The following PAK5 variants were observed in gnomAD, a reference collection of about 807,000 sequenced individuals.
The protein encoded by PAK5 is p21 (RAC1) activated kinase 5.
Under a neutral mutation model 65.9 loss-of-function variants are expected in PAK5, and 16 were observed. That is an observed-to-expected ratio of 0.24 (90% CI 0.16 to 0.37). The LOEUF (loss-of-function observed/expected upper bound fraction) is 0.37, where lower values mean the gene tolerates loss of function less well. Ranked by LOEUF, PAK5 falls within the 10% of genes least tolerant of loss-of-function variation. PAK5 has a pLI of 1.00. For synonymous variants in PAK5, 371 were observed against 354.9 expected, an observed-to-expected ratio of 1.05 and a Z score of -0.51; for missense variants, 785 against 903.9, an observed-to-expected ratio of 0.87 and a Z score of 1.69.
In PAK5 at chr20:9,822,977, G is replaced by A. The variant is rs148858530; in HGVS notation, c.-162+15785C>T. ...TTGGCAGCCTTTCTGCTATGATTTAGATGTACATGTCCCTCTGAAATTCAC... is the reference window on the plus strand; with the variant it reads ...TTGGCAGCCTTTCTGCTATGATTTAAATGTACATGTCCCTCTGAAATTCAC... On this transcript the variant is annotated intron_variant, in intron 1 of 9. Coordinates refer to ENST00000353224, the MANE Select transcript of PAK5 (RefSeq NM_177990.4). Among the ~76,000 whole-genome samples the A allele has an allele frequency of 5.6e-3, 850 of 152,290 alleles. 3 individuals are homozygous for A. The highest frequency in any genetic ancestry group is 0.01 in the Middle Eastern group (3 of 294).
At chr20:9,601,001 G>A (rs955037025) in intron 3 of PAK5, among the ~76,000 whole-genome samples, 5 of 152,182 alleles carry the variant, frequency 3.3e-5, no homozygotes, top group Non-Finnish European at 4.4e-5. Flanking sequence ...ACCCCAAACA[G>A]GCAGGTAAGT....
At chr20:9,764,359 C>T (rs958606141) in intron 1 of PAK5, among the ~76,000 whole-genome samples, 1 of 152,108 alleles carries the variant, frequency 6.6e-6, no homozygotes. Context: ...TCGTATGGGG[C>T]ACATGGTTTT....
intron 1 of PAK5, among the ~76,000 whole-genome samples, chr20:9,793,849 A>C (rs2049076293): frequency 6.6e-6 from 1 of 152,176 alleles, no homozygotes; most frequent in Admixed American, 6.6e-5. Flanking sequence ...AGGATTATAA[A>C]TCATTTTACT....
chr20:9,709,253 C>T (rs911388140), intron 2 of PAK5, among the ~76,000 whole-genome samples: 1 of 152,128 alleles, frequency 6.6e-6, no homozygotes, highest in African/African-American at 2.4e-5. Flanking sequence ...ACTCATTTCT[C>T]TAAGTATATG....
At chr20:9,827,416 T>C (rs1018198278) in intron 1 of PAK5, among the ~76,000 whole-genome samples, 14 of 152,322 alleles carry the variant, frequency 9.2e-5, no homozygotes, top group Admixed American at 2.6e-4. Context: ...GCCTGGGTAA[T>C]ATCCATTCAT....
intron 2 of PAK5, among the ~76,000 whole-genome samples, chr20:9,706,777 G>A (rs1195028475): frequency 6.6e-6 from 1 of 151,746 alleles, no homozygotes; most frequent in Admixed American, 6.6e-5. Context: ...TAAAGTGCTG[G>A]GATTACAGGT....
chr20:9,679,000 G>A (rs2047613785), intron 2 of PAK5, among the ~76,000 whole-genome samples: 1 of 152,122 alleles, frequency 6.6e-6, no homozygotes, highest in Admixed American at 6.5e-5. Context: ...TGAACTGCAT[G>A]TGTTCACCTA....
In PAK5 at chr20:9,838,000, C is replaced by G. The variant is rs887252934; in HGVS notation, c.-162+762G>C. 2.6e-5 allele frequency among the ~76,000 whole-genome samples: 4 copies of G among 152,114 alleles called. No individual in the cohort carries two copies. In the East Asian group the frequency reaches 5.8e-4, roughly 22 times the overall value. On this transcript the variant is annotated intron_variant, in intron 1 of 9. Transcript: ENST00000353224. ...CACACATGGTTTCAAGAAGGGCGAT[C>G]GCGCTTATCCTCCAAACTGAGCAGT...
chr20:9,619,148 C>T lies in PAK5; in HGVS notation c.204+24977G>A, dbSNP rs140163611. Among the ~76,000 whole-genome samples the T allele has an allele frequency of 5.7e-3, 872 of 151,762 alleles. 9 individuals carry two copies. Among genetic ancestry groups the T allele is most frequent in the African/African-American group, 0.02 (826 of 41,394 alleles). On this transcript the variant is annotated intron_variant, in intron 3 of 9. Transcript: ENST00000353224. ...TTGTTGCCCAGCCTGGTCTGGAACT[C>T]CTGGGTTCAAATGATCTGCCTGCCT...
chr20:9,630,113 ATG>A (rs981751799), intron 3 of PAK5, among the ~76,000 whole-genome samples: 1 of 152,150 alleles, frequency 6.6e-6, no homozygotes, highest in African/African-American at 2.4e-5. Flanking sequence ...TTGTAGTAAA[ATG>A]TGTGAGGAAA....
At chr20:9,775,020 C>G (rs1477610068) in intron 1 of PAK5, among the ~76,000 whole-genome samples, 1 of 152,038 alleles carries the variant, frequency 6.6e-6, no homozygotes, top group Non-Finnish European at 1.5e-5. Context: ...GAGGCATATA[C>G]TAATAAGCAC....
chr20:9,620,279 TG>T (rs33991906), intron 3 of PAK5, among the ~76,000 whole-genome samples: 56,848 of 152,130 alleles, frequency 0.37, 11,339 homozygotes, highest in African/African-American at 0.49. Flanking sequence ...TCCTCAGCAC[TG>T]GGCTTGGTAT....
At chr20:9,577,232 G>A (rs2045900649) in intron 4 of PAK5, 1 of 151,322 alleles carries the variant, frequency 6.6e-6, no homozygotes, top group Non-Finnish European at 1.5e-5. Context: ...TGTAGGGAGA[G>A]GAGGCCAACA....
At chr20:9,738,129 G>A (rs1190463360) in intron 1 of PAK5, among the ~76,000 whole-genome samples, 3 of 151,848 alleles carry the variant, frequency 2.0e-5, no homozygotes, top group African/African-American at 7.3e-5. Flanking sequence ...TACAGAGAGT[G>A]AGACTCGGTC....
chr20:9,807,681 G>T (rs1199056318), intron 1 of PAK5, among the ~76,000 whole-genome samples: 1 of 151,576 alleles, frequency 6.6e-6, no homozygotes, highest in African/African-American at 2.4e-5. Flanking sequence ...AGGTTCCCTT[G>T]CAGTTAATTT....
intron 1 of PAK5, 81 bp from the exon 2 acceptor site, chr20:9,711,516 A>G (rs2048077706): frequency 6.6e-6 from 1 of 152,132 alleles, no homozygotes; most frequent in African/African-American, 2.4e-5. Flanking sequence ...AGCCACATTT[A>G]CTTTACATTC....
At chr20:9,793,016 G>C (rs1310147552) in intron 1 of PAK5, among the ~76,000 whole-genome samples, 1 of 152,092 alleles carries the variant, frequency 6.6e-6, no homozygotes, top group Non-Finnish European at 1.5e-5. Context: ...GGTGGGAAAG[G>C]TTTTTTTCTA....
intron 9 of PAK5, among the ~76,000 whole-genome samples, chr20:9,541,963 G>A (rs111536280): frequency 7.2e-5 from 11 of 152,214 alleles, no homozygotes; most frequent in African/African-American, 2.6e-4. Flanking sequence ...AGTATCCTGA[G>A]GCCTCTCCAG....
intron 7 of PAK5, among the ~76,000 whole-genome samples, chr20:9,548,190 A>C (rs1275038199): frequency 2.0e-5 from 3 of 152,072 alleles, no homozygotes; most frequent in Non-Finnish European, 4.4e-5. Context: ...TAGAATATCC[A>C]GGGCTAAAAC....
Sources: allele counts gnomAD v4.1 joint callset (sites outside exome capture counted in the v4.1 genomes callset), GRCh38; gene constraint gnomAD v4.1.1; transcripts MANE v1.5; gene names NCBI Gene and HGNC (gene_info 2026-07-23, HGNC 2026-07-21).